SNTG1: variants seen among roughly 807,000 people sequenced by gnomAD.
SNTG1 encodes the protein syntrophin gamma 1.
SNTG1 carries 39 observed loss-of-function variants against 74.7 expected under a neutral mutation model. The ratio of observed to expected loss-of-function variants is 0.52; its 90% CI spans 0.40 to 0.68. The LOEUF is 0.68. Among genes scored for constraint, SNTG1 ranks in the 30% least tolerant of loss-of-function variants. The pLI is 0.00. For synonymous variants in SNTG1, 254 were observed against 217.1 expected (o/e 1.17, Z -1.49); for missense variants, 685 against 609.5 (o/e 1.12, Z -1.30).
chr8:50,607,496 A>G (rs4873467), intron 13 of SNTG1, among the ~76,000 whole-genome samples: 15,834 of 151,496 alleles, frequency 0.1, 2,022 homozygotes, highest in African/African-American at 0.29. Context: ...AGTCATTGGT[A>G]TATATTTATT....
chr8:50,582,669 A>G (rs1437479564), intron 12 of SNTG1, among the ~76,000 whole-genome samples: 1 of 152,156 alleles, frequency 6.6e-6, no homozygotes, highest in Non-Finnish European at 1.5e-5. Flanking sequence ...CAGGAATTCA[A>G]GCATAACATA....
At chr8:50,065,090 T>A (rs559671437) in intron 1 of SNTG1, among the ~76,000 whole-genome samples, 2 of 152,246 alleles carry the variant, frequency 1.3e-5, no homozygotes, top group Non-Finnish European at 2.9e-5. Flanking sequence ...ATTGAGAGAA[T>A]TCCATAAGAT....
intron 2 of SNTG1, among the ~76,000 whole-genome samples, chr8:50,233,664 G>A (rs1343425388): frequency 2.7e-5 from 4 of 150,562 alleles, no homozygotes; most frequent in South Asian, 4.2e-4. Flanking sequence ...ACCTGATAAA[G>A]AGCCCATATC....
At chr8:50,322,207 T>G (rs1563895115) in intron 2 of SNTG1, among the ~76,000 whole-genome samples, 1 of 152,158 alleles carries the variant, frequency 6.6e-6, no homozygotes, top group Non-Finnish European at 1.5e-5. Context: ...CCCTCAGGTT[T>G]GTTTGTCTGG....
At chr8:50,094,657 G>A (rs1321213245) in intron 1 of SNTG1, among the ~76,000 whole-genome samples, 1 of 152,072 alleles carries the variant, frequency 6.6e-6, no homozygotes, top group Non-Finnish European at 1.5e-5. Context: ...AAATCAGAAT[G>A]GCTATGAAAG....
At chr8:50,333,569 T>A (rs1202285901) in intron 2 of SNTG1, among the ~76,000 whole-genome samples, 2 of 152,222 alleles carry the variant, frequency 1.3e-5, no homozygotes, top group African/African-American at 4.8e-5. Flanking sequence ...CTTATTATGC[T>A]GGAAACAGCA....
chr8:49,994,600 G>A (rs984715346), intron 1 of SNTG1, among the ~76,000 whole-genome samples: 1 of 151,852 alleles, frequency 6.6e-6, no homozygotes, highest in African/African-American at 2.4e-5. Flanking sequence ...TTTATAAAGA[G>A]CTATGTGCTG....
At chr8:50,669,059 G>C in intron 15 of SNTG1, among the ~76,000 whole-genome samples, 1 of 151,992 alleles carries the variant, frequency 6.6e-6, no homozygotes, top group East Asian at 1.9e-4. Context: ...AAAATTTATA[G>C]CAATAAATGC....
At chr8:50,002,580 T>G (rs1354843519) in intron 1 of SNTG1, among the ~76,000 whole-genome samples, 1 of 152,162 alleles carries the variant, frequency 6.6e-6, no homozygotes, top group Non-Finnish European at 1.5e-5. Context: ...TTGGGTGGAT[T>G]ACTTGATTTT....
In SNTG1 at chr8:50,104,417, T is replaced by C. The variant is rs2080283248; in HGVS notation, c.-102-68144T>C. The stretch of plus-strand genomic sequence containing the variant: ...GGGATCGGTGCTGATATCCCCTTTA[T>C]CATTTTTTATTGCGTCTATTTTATT... On this transcript the variant is annotated intron_variant, in intron 1 of 18. Transcript: ENST00000642720. Among the ~76,000 whole-genome samples the C allele has an allele frequency of 3.3e-5, 5 of 152,316 alleles. No homozygotes were observed. The South Asian group carries it at 1.0e-3, about 32-fold the overall frequency.
chr8:50,158,028 C>T (rs972154078), intron 1 of SNTG1, among the ~76,000 whole-genome samples: 2 of 152,082 alleles, frequency 1.3e-5, no homozygotes, highest in African/African-American at 4.8e-5. Context: ...GTAAATACCT[C>T]TTCCTATCAC....
At chr8:49,994,180 A>T (rs984871774) in intron 1 of SNTG1, among the ~76,000 whole-genome samples, 2 of 152,086 alleles carry the variant, frequency 1.3e-5, no homozygotes, top group African/African-American at 4.8e-5. Flanking sequence ...TAATTGAGAC[A>T]TGAAAAAATA....
intron 1 of SNTG1, among the ~76,000 whole-genome samples, chr8:50,156,052 C>T (rs1259997027): frequency 6.6e-6 from 1 of 151,968 alleles, no homozygotes; most frequent in Non-Finnish European, 1.5e-5. Flanking sequence ...AAAATAGAAT[C>T]TGCTAAGACT....
At chr8:50,449,046 T>A (rs2093431705) in intron 5 of SNTG1, among the ~76,000 whole-genome samples, 1 of 151,882 alleles carries the variant, frequency 6.6e-6, no homozygotes, top group South Asian at 2.1e-4. Flanking sequence ...ATAAAATAAA[T>A]AAATACATAA....
chr8:50,620,191 G>A (rs890527170), intron 13 of SNTG1, among the ~76,000 whole-genome samples: 1 of 152,076 alleles, frequency 6.6e-6, no homozygotes, highest in Non-Finnish European at 1.5e-5. Flanking sequence ...CTGTCATCTG[G>A]GGGCCATTCC....
intron 1 of SNTG1, among the ~76,000 whole-genome samples, chr8:50,031,448 A>G (rs972662383): frequency 7.2e-5 from 11 of 152,156 alleles, no homozygotes; most frequent in Admixed American, 2.6e-4. Context: ...TTAGTCTTTT[A>G]CCATATGAAC....
chr8:50,622,327 A>G (rs903981711), intron 13 of SNTG1, among the ~76,000 whole-genome samples: 9 of 152,208 alleles, frequency 5.9e-5, no homozygotes, highest in Admixed American at 1.3e-4. Context: ...TGATGCTAAT[A>G]CCATTTATAT....
intron 9 of SNTG1, among the ~76,000 whole-genome samples, chr8:50,529,596 T>C (rs558646627): frequency 1.3e-4 from 20 of 152,134 alleles, no homozygotes; most frequent in South Asian, 8.3e-4. Context: ...TGACAAATCT[T>C]TAAGGCATTA....
chr8:50,185,622 A>G (rs1197873095), intron 2 of SNTG1, among the ~76,000 whole-genome samples: 1 of 152,200 alleles, frequency 6.6e-6, no homozygotes, highest in Admixed American at 6.5e-5. Flanking sequence ...GGTCATATTT[A>G]TCAGACAATA....
Sources: allele counts gnomAD v4.1 joint callset (sites outside exome capture counted in the v4.1 genomes callset), GRCh38; gene constraint gnomAD v4.1.1; transcripts MANE v1.5; gene names NCBI Gene and HGNC (gene_info 2026-07-23, HGNC 2026-07-21).